The following KLHL29 variants were observed in gnomAD, a reference collection of about 807,000 sequenced individuals.
The protein encoded by KLHL29 is kelch like family member 29.
A neutral mutation model predicts 80.4 loss-of-function variants in KLHL29; 21 were observed. The observed-to-expected ratio is 0.26, with a 90% confidence interval of 0.19 to 0.38. The LOEUF (loss-of-function observed/expected upper bound fraction) is 0.38, where lower values mean the gene tolerates loss of function less well. KLHL29 is among the 10% of genes least tolerant of loss of function. The probability of loss-of-function intolerance (pLI) is 1.00; values close to 1 mark genes in which losing one functional copy is unlikely to be tolerated. For synonymous variants in KLHL29, 511 were observed against 526.8 expected, an observed-to-expected ratio of 0.97 and a Z score of 0.41; for missense variants, 867 against 1,223.9, an observed-to-expected ratio of 0.71 and a Z score of 4.35.
intron 3 of KLHL29, among the ~76,000 whole-genome samples, chr2:23,577,957 C>G (rs1558395210): frequency 6.6e-6 from 1 of 152,264 alleles, no homozygotes; most frequent in East Asian, 1.9e-4. Flanking sequence ...CATCGAGGGA[C>G]TCCAGGAGCA....
intron 1 of KLHL29, among the ~76,000 whole-genome samples, chr2:23,394,820 TC>T: frequency 6.6e-6 from 1 of 152,312 alleles, no homozygotes; most frequent in East Asian, 1.9e-4. Context: ...GAACAAAAAT[TC>T]AATTCTGAAT....
chr2:23,625,052 T>C (rs575225660), intron 3 of KLHL29, among the ~76,000 whole-genome samples: 1 of 152,338 alleles, frequency 6.6e-6, no homozygotes, highest in Admixed American at 6.5e-5. Context: ...CTGATCATTA[T>C]GAAGAAGGGA....
intron 5 of KLHL29, among the ~76,000 whole-genome samples, chr2:23,657,828 T>C (rs1670288104): frequency 6.6e-6 from 1 of 152,220 alleles, no homozygotes; most frequent in South Asian, 2.1e-4. Context: ...ATGTATTTGC[T>C]GAGCCTTCCG....
At chr2:23,465,668 C>T (rs996201018) in intron 1 of KLHL29, among the ~76,000 whole-genome samples, 9 of 152,310 alleles carry the variant, frequency 5.9e-5, no homozygotes, top group African/African-American at 1.9e-4. Context: ...AAAGAAACCA[C>T]TTCTGTCAAA....
intron 5 of KLHL29, 101 bp downstream of exon 5, chr2:23,642,951 C>T: frequency 2.2e-6 from 3 of 1,339,348 alleles, no homozygotes; most frequent in Non-Finnish European, 3.1e-6. Context: ...ATGCCAGCTC[C>T]TTCACTGGCC....
At chr2:23,640,086 T>C (rs1372366226) in intron 4 of KLHL29, among the ~76,000 whole-genome samples, 1 of 152,142 alleles carries the variant, frequency 6.6e-6, no homozygotes, top group Non-Finnish European at 1.5e-5. Flanking sequence ...CACCCCGAGA[T>C]GCCCCAGCAG....
chr2:23,465,851 G>T (rs1664336980), intron 1 of KLHL29, among the ~76,000 whole-genome samples: 2 of 152,084 alleles, frequency 1.3e-5, no homozygotes. Flanking sequence ...GCCATCTTCA[G>T]TCCCACTAGC....
At chr2:23,455,730 G>A (rs1664032691) in intron 1 of KLHL29, among the ~76,000 whole-genome samples, 1 of 150,392 alleles carries the variant, frequency 6.6e-6, no homozygotes, top group Non-Finnish European at 1.5e-5. Context: ...TCCTGCCTCA[G>A]CCTCCCGAGT....
chr2:23,474,104 C>A (rs1014356836), intron 1 of KLHL29, among the ~76,000 whole-genome samples: 1 of 152,170 alleles, frequency 6.6e-6, no homozygotes, highest in Non-Finnish European at 1.5e-5. Flanking sequence ...AAATATGATA[C>A]AATTTTCACT....
At chr2:23,509,455 CA>C (rs1665705447) in intron 2 of KLHL29, among the ~76,000 whole-genome samples, 1 of 151,972 alleles carries the variant, frequency 6.6e-6, no homozygotes. Flanking sequence ...GAGTGAGGGA[CA>C]GGGGCGGATG....
intron 1 of KLHL29, among the ~76,000 whole-genome samples, chr2:23,442,862 G>C (rs1480814456): frequency 1.3e-5 from 2 of 152,194 alleles, no homozygotes; most frequent in Non-Finnish European, 2.9e-5. Context: ...TGACAGACCA[G>C]AATCTCATGT....
At chr2:23,571,148 C>A (rs1667708049) in intron 3 of KLHL29, among the ~76,000 whole-genome samples, 1 of 152,254 alleles carries the variant, frequency 6.6e-6, no homozygotes, top group Non-Finnish European at 1.5e-5. Flanking sequence ...AAAACACACC[C>A]AGTTGAGGGC....
At chr2:23,679,260 C>T (rs987561305) in intron 5 of KLHL29, among the ~76,000 whole-genome samples, 2 of 142,344 alleles carry the variant, frequency 1.4e-5, no homozygotes, top group African/African-American at 5.1e-5. Flanking sequence ...CCTGGTTTAG[C>T]AGTTTGGACT....
chr2:23,412,157 G>A (rs986658608), intron 1 of KLHL29, among the ~76,000 whole-genome samples: 3 of 151,040 alleles, frequency 2.0e-5, no homozygotes, highest in African/African-American at 7.4e-5. Context: ...AGGTAGGATG[G>A]AAGGGCCATC....
At chr2:23,493,600 C>T (rs770708403) in intron 2 of KLHL29, among the ~76,000 whole-genome samples, 22 of 151,930 alleles carry the variant, frequency 1.4e-4, no homozygotes, top group African/African-American at 1.7e-4. Flanking sequence ...TGACTCTATT[C>T]GAATATGCTA....
rs187418378 is a variant in KLHL29 at position 23,485,855 on chromosome 2, G to A, written c.-46+10188G>A. Among the ~76,000 whole-genome samples the A allele has an allele frequency of 3.0e-3, 457 of 152,274 alleles. 7 individuals carry two copies. The Middle Eastern group carries it at 0.044, about 15-fold the overall frequency. ...TCATAAAATTTTCTGGTGGTTGTAAGGACTAAATGAGTTAACATAATAAAG... is the reference window on the plus strand; with the variant it reads ...TCATAAAATTTTCTGGTGGTTGTAAAGACTAAATGAGTTAACATAATAAAG... On this transcript the variant is annotated intron_variant, in intron 2 of 13. Coordinates refer to ENST00000486442, the MANE Select transcript of KLHL29 (RefSeq NM_052920.2).
At chr2:23,605,620 T>C (rs1275574194) in intron 3 of KLHL29, among the ~76,000 whole-genome samples, 2 of 152,126 alleles carry the variant, frequency 1.3e-5, no homozygotes, top group African/African-American at 2.4e-5. Flanking sequence ...TCCTTAGTGA[T>C]TAGACTGCCC....
At chr2:23,481,534 A>G (rs1268885153) in intron 2 of KLHL29, among the ~76,000 whole-genome samples, 1 of 152,220 alleles carries the variant, frequency 6.6e-6, no homozygotes, top group Non-Finnish European at 1.5e-5. Context: ...TTCCCCAGCC[A>G]CAGTAGCTGG....
chr2:23,519,516 G>A (rs530718318), intron 2 of KLHL29, among the ~76,000 whole-genome samples: 1 of 152,182 alleles, frequency 6.6e-6, no homozygotes, highest in Admixed American at 6.5e-5. Flanking sequence ...CCAGGGTGTT[G>A]CCCTATTTAG....
Sources: gnomAD v4.1 joint callset for allele counts (sites outside exome capture counted in the v4.1 genomes callset) on GRCh38, gnomAD v4.1.1 for gene constraint, MANE v1.5 for transcripts, NCBI Gene and HGNC (gene_info 2026-07-23, HGNC 2026-07-21) for gene names.